Variants in DST observed in about 807,000 individuals in gnomAD.
The protein encoded by DST is bullous pemphigoid antigen.
A neutral mutation model predicts 875.2 loss-of-function variants in DST; 253 were observed. That is an observed-to-expected ratio of 0.29 (90% CI 0.26 to 0.32). The LOEUF (loss-of-function observed/expected upper bound fraction) is 0.32. Ranked by LOEUF, DST falls within the 10% of genes least tolerant of loss-of-function variation. DST has a pLI of 1.00. For missense variants in DST, 8,287 were observed against 9,111.6 expected, an observed-to-expected ratio of 0.91 and a Z score of 3.68; for synonymous variants, 3,124 against 3,197.1, an observed-to-expected ratio of 0.98 and a Z score of 0.77.
intron 71 of DST, 50 bp from the exon 72 acceptor site, chr6:56,515,718 C>T (rs1407745652): frequency 6.8e-7 from 1 of 1,464,138 alleles, no homozygotes; most frequent in African/African-American, 1.4e-5. Flanking sequence ...AACGAGCACA[C>T]ACACTCCAGA....
rs747811408 is a variant in DST, at chr6:56,604,000, T to G, written c.10628A>C (p.Asn3543Thr). Residue 3543 changes from asparagine (N) to threonine (T), a missense_variant, in exon 40 of 104, where the codon AAT (asparagine) becomes ACT (threonine). By Grantham distance (65) the Asn-to-Thr change is moderately conservative. Around this residue, in one of 10 missense-constraint regions of DST, gnomAD observed 3,138 missense variants for 3,116.6 expected, o/e 1.01. Coordinates refer to ENST00000680361, the MANE Select transcript of DST (RefSeq NM_001374736.1). Reference sequence around the variant, plus strand: ...TCCAATTTCTTTTACAGTTTCTAAATTAGGAGAATAGTAGTTTCCTTCTTT... The same window carrying G: ...TCCAATTTCTTTTACAGTTTCTAAAGTAGGAGAATAGTAGTTTCCTTCTTT... ...KSKEGNYYSPNLETVKEIGLE... is the reference protein window; with the variant it reads ...KSKEGNYYSPTLETVKEIGLE... 27 of 1,605,034 alleles carry G rather than the reference T, an allele frequency of 1.7e-5. No individual in the cohort carries two copies. Among genetic ancestry groups the G allele is most frequent in the Non-Finnish European group, 1.2e-5 (14 of 1,174,988 alleles).
intron 2 of DST, among the ~76,000 whole-genome samples, chr6:56,922,632 A>G (rs1804897615): frequency 6.6e-6 from 1 of 152,090 alleles, no homozygotes; most frequent in Admixed American, 6.5e-5. Flanking sequence ...TGGGGCCCCA[A>G]TTTGAGAACT....
intron 4 of DST, among the ~76,000 whole-genome samples, chr6:56,795,636 C>G (rs1445988112): frequency 1.3e-5 from 2 of 152,098 alleles, no homozygotes; most frequent in African/African-American, 4.8e-5. Flanking sequence ...CCACTCCAGA[C>G]CAATTACTTC....
chr6:56,819,446 C>G (rs2099770406), intron 4 of DST, among the ~76,000 whole-genome samples: 1 of 152,054 alleles, frequency 6.6e-6, no homozygotes, highest in African/African-American at 2.4e-5. Flanking sequence ...AGTTTAAGAA[C>G]CTCCATTTTA....
intron 9 of DST, chr6:56,692,478 A>T: frequency 7.8e-7 from 1 of 1,289,750 alleles, no homozygotes. Flanking sequence ...GCTGTGTTGC[A>T]TGAGGGCAAA....
chr6:56,583,909 G>A (rs1353537894), intron 49 of DST, among the ~76,000 whole-genome samples: 2 of 152,248 alleles, frequency 1.3e-5, no homozygotes, highest in Admixed American at 1.3e-4. Context: ...TTGTAGATAC[G>A]CGGTGTTATT....
intron 49 of DST, among the ~76,000 whole-genome samples, chr6:56,583,562 T>C (rs1271999804): frequency 6.6e-6 from 1 of 152,200 alleles, no homozygotes; most frequent in East Asian, 1.9e-4. Context: ...TTCACTCTGA[T>C]GGTAGTTTCT....
intron 54 of DST, among the ~76,000 whole-genome samples, chr6:56,568,814 TTCAGAA>T (rs1012619508): frequency 1.8e-4 from 27 of 152,124 alleles, no homozygotes; most frequent in African/African-American, 5.6e-4. Flanking sequence ...CTTCAAAGGT[TTCAGAA>T]GTGGCAAGTA....
chr6:56,822,803 A>T (rs1372152231), intron 4 of DST, among the ~76,000 whole-genome samples: 2 of 151,338 alleles, frequency 1.3e-5, no homozygotes, highest in East Asian at 3.9e-4. Context: ...CTACACTATT[A>T]TTTATTTATT....
At chr6:56,668,263 A>C (rs1326349215) in intron 10 of DST, among the ~76,000 whole-genome samples, 1 of 152,230 alleles carries the variant, frequency 6.6e-6, no homozygotes, top group Non-Finnish European at 1.5e-5. Flanking sequence ...GGAAAGTGTA[A>C]TATGATGATG....
intron 9 of DST, among the ~76,000 whole-genome samples, chr6:56,673,784 G>A (rs2099114740): frequency 6.6e-6 from 1 of 152,098 alleles, no homozygotes; most frequent in Non-Finnish European, 1.5e-5. Context: ...TATGAACCAA[G>A]CTTTAAAATA....
At chr6:56,567,470 A>T (rs2097699472) in intron 55 of DST, among the ~76,000 whole-genome samples, 1 of 151,810 alleles carries the variant, frequency 6.6e-6, no homozygotes, top group Non-Finnish European at 1.5e-5. Flanking sequence ...CAGCAACAAC[A>T]ACAAAAAAAA....
intron 90 of DST, 83 bp from the exon 91 acceptor site, chr6:56,477,571 TTAAACAAA>T: frequency 6.4e-7 from 1 of 1,556,170 alleles, no homozygotes. Flanking sequence ...ACTGCCAGAA[TTAAACAAA>T]TAAACAAAAA....
intron 36 of DST, chr6:56,618,322 G>A: frequency 6.2e-7 from 1 of 1,614,178 alleles, no homozygotes; most frequent in Non-Finnish European, 8.5e-7. Context: ...TGGGTGTTGG[G>A]TGAAGGTGTC....
chr6:56,491,638 T>A (rs1158351515), intron 85 of DST, among the ~76,000 whole-genome samples: 1 of 152,122 alleles, frequency 6.6e-6, no homozygotes, highest in Non-Finnish European at 1.5e-5. Flanking sequence ...TTCAAAAAAA[T>A]TAATTTCAAA....
rs1386819147 is a variant in DST at position 56,629,206 on chromosome 6, A to G, written c.4475+44T>C. On this transcript the variant is annotated intron_variant, in intron 32 of 103. Coordinates refer to ENST00000680361, the MANE Select transcript of DST (RefSeq NM_001374736.1). ...TAGATTTTACTCATTTACCATAGATAGACATTAAATCTGTGCTAAAACTGA... is the reference window on the plus strand; with the variant it reads ...TAGATTTTACTCATTTACCATAGATGGACATTAAATCTGTGCTAAAACTGA... 3.2e-6 allele frequency: 5 copies of G among 1,583,564 alleles called. No homozygotes were observed. In the Admixed American group the frequency reaches 5.0e-5, roughly 16 times the overall value.
At chr6:56,812,139 G>A (rs1440077567) in intron 4 of DST, among the ~76,000 whole-genome samples, 2 of 139,584 alleles carry the variant, frequency 1.4e-5, no homozygotes, top group African/African-American at 2.7e-5. Flanking sequence ...GAAAAGAAAA[G>A]AAAAGAAAAG....
chr6:56,867,480 T>C (rs1177791922), intron 3 of DST, among the ~76,000 whole-genome samples: 1 of 152,060 alleles, frequency 6.6e-6, no homozygotes, highest in Non-Finnish European at 1.5e-5. Context: ...CCAAAAGAGT[T>C]TTTAAAAGAT....
chr6:56,612,765 T>C (rs1244364870), intron 37 of DST, among the ~76,000 whole-genome samples: 5 of 152,240 alleles, frequency 3.3e-5, no homozygotes, highest in South Asian at 4.1e-4. Flanking sequence ...TAGACAGTTA[T>C]AATTAACGCC....
Sources: gnomAD v4.1 joint callset for allele counts (sites outside exome capture counted in the v4.1 genomes callset) on GRCh38, gnomAD v4.1.1 for gene constraint, gnomAD v4.1.1 regional missense constraint, MANE v1.5 for transcripts, NCBI Gene and HGNC (gene_info 2026-07-23, HGNC 2026-07-21) for gene names.